Variants in NOX1 observed in about 807,000 individuals in gnomAD.
The protein encoded by NOX1 is NADPH oxidase 1.
In NOX1, 34 loss-of-function variants were observed where a neutral mutation model predicts 42.5. The ratio of observed to expected loss-of-function variants is 0.80; its 90% CI spans 0.61 to 1.07. The LOEUF (loss-of-function observed/expected upper bound fraction) is 1.07. Ranked by LOEUF, NOX1 falls within the 50% of genes least tolerant of loss-of-function variation. The pLI is 0.00. For missense variants in NOX1, 408 were observed against 427.0 expected (o/e 0.96, Z 0.39); for synonymous variants, 143 against 152.5 (o/e 0.94, Z 0.46).
intron 2 of NOX1, among the ~76,000 whole-genome samples, chrX:100,865,366 T>C (rs763722222): frequency 1.8e-5 from 2 of 112,944 alleles, no homozygotes; most frequent in East Asian, 5.6e-4. Flanking sequence ...TGGCTATCTG[T>C]ATAGGATGAA....
rs1277748508 is a variant in NOX1 at position 100,849,857 on chromosome X, C to T, written c.1211G>A (p.Gly404Glu). The part of the protein sequence containing the change: ...QYEVAVLVGA[G>E]IGVTPFASIL... ...AGAAGCAAAGGGGGTGACCCCAATTCCTGCTCCAACCAGCACAGCCACTTC... is the reference window on the plus strand; with the variant it reads ...AGAAGCAAAGGGGGTGACCCCAATTTCTGCTCCAACCAGCACAGCCACTTC... The change falls in exon 10 of 13, where the codon GGA becomes GAA. Residue 404 changes from glycine (G) to glutamate (E), a missense_variant. Coordinates refer to ENST00000372966, the MANE Select transcript of NOX1 (RefSeq NM_007052.5). 1.7e-6 allele frequency: 2 copies of T among 1,210,877 alleles called. No individual in the cohort carries two copies. Among genetic ancestry groups the T allele is most frequent in the Non-Finnish European group, 2.2e-6 (2 of 894,900 alleles).
chrX:100,872,219 A>G (rs1320673863), intron 1 of NOX1, among the ~76,000 whole-genome samples: 1 of 112,167 alleles, frequency 8.9e-6, no homozygotes, highest in Admixed American at 9.5e-5. Context: ...GAAAGAAAAG[A>G]AAGTCAACAG....
At chrX:100,867,842 AAG>A (rs1309712842) in intron 2 of NOX1, among the ~76,000 whole-genome samples, 1 of 110,084 alleles carries the variant, frequency 9.1e-6, no homozygotes, top group Admixed American at 9.7e-5. Flanking sequence ...GAAGGAAAGA[AAG>A]AGAGAGAGAA....
chrX:100,868,921 C>G, intron 2 of NOX1, among the ~76,000 whole-genome samples: 1 of 110,631 alleles, frequency 9.0e-6, no homozygotes, highest in Non-Finnish European at 1.9e-5. Flanking sequence ...ATAGGGAATC[C>G]TTTCCCCATT....
Position 100,844,006 on chromosome X carries a change from A to G in NOX1, c.1641T>C (p.Tyr547=). The change falls in exon 13 of 13, where the codon TAT becomes TAC. Residue 547 remains tyrosine (Y), a synonymous_variant. Coordinates refer to ENST00000372966, the MANE Select transcript of NOX1 (RefSeq NM_007052.5). ...GAACCTTTCTAGGATCCAGACTGGA[A>G]TATCGGTGACAGCATTTGCGCAGGC... ...AKSLRKCCHR[Y]SSLDPRKVQF... The G allele has an allele frequency of 8.3e-7, 1 of 1,205,794 alleles. No individual in the cohort carries two copies. Among genetic ancestry groups the G allele is most frequent in the Non-Finnish European group, 1.1e-6 (1 of 890,303 alleles).
At chrX:100,856,182 C>T in intron 7 of NOX1, 2 of 944,930 alleles carry the variant, frequency 2.1e-6, no homozygotes, top group Non-Finnish European at 3.0e-6. Flanking sequence ...GCATCCACCT[C>T]CTCCACAGTG....
intron 12 of NOX1, among the ~76,000 whole-genome samples, chrX:100,847,991 T>C (rs1188899036): frequency 9.0e-6 from 1 of 110,562 alleles, no homozygotes; most frequent in African/African-American, 3.3e-5. Flanking sequence ...AAGTAGAGAT[T>C]ATTGAGTCCC....
rs1489403678 is a variant in NOX1, at chrX:100,850,113, CA to C, written c.1133+37del. On this transcript the variant is annotated intron_variant, in intron 9 of 12. Coordinates refer to ENST00000372966, the MANE Select transcript of NOX1 (RefSeq NM_007052.5). Reference sequence around the variant, plus strand: ...TTGCTTTCTCTTTTCTGCCAGTCTGCATCCTGGTCTGGGACTCTCCTGGTCT... The same window carrying C: ...TTGCTTTCTCTTTTCTGCCAGTCTGCTCCTGGTCTGGGACTCTCCTGGTCT... 3 of 1,098,473 alleles carry C rather than the reference CA, an allele frequency of 2.7e-6. No individual in the cohort carries two copies. The East Asian group carries it at 9.0e-5, about 33-fold the overall frequency. The allele number at this position is 1,098,473 out of a possible 1,213,427, so 90.5% of individuals were successfully genotyped here. A position where few individuals can be genotyped will look rare whatever the true frequency, so the allele number is the denominator to read the frequency against.
chrX:100,852,119 G>A (rs1452709414), intron 7 of NOX1, among the ~76,000 whole-genome samples: 1 of 112,096 alleles, frequency 8.9e-6, no homozygotes, highest in Non-Finnish European at 1.9e-5. Flanking sequence ...CCTTTCTCAA[G>A]TGCTTAAACA....
chrX:100,854,047 G>A (rs2085150268), intron 7 of NOX1, among the ~76,000 whole-genome samples: 1 of 111,182 alleles, frequency 9.0e-6, no homozygotes, highest in African/African-American at 3.3e-5. Context: ...GGAAGCTGAG[G>A]CAGGAGAATC....
At chrX:100,853,299 T>TCTCTCTTTCTCTTTCTTTCC (rs1491547449) in intron 7 of NOX1, among the ~76,000 whole-genome samples, 1 of 78,883 alleles carries the variant, frequency 1.3e-5, no homozygotes, top group Non-Finnish European at 2.5e-5. Context: ...TCTTTCTTTC[T>TCTCTCTTTCTCTTTCTTTCC]TTCTTTCTTT....
intron 2 of NOX1, among the ~76,000 whole-genome samples, chrX:100,869,273 T>C (rs2085257904): frequency 8.9e-6 from 1 of 111,774 alleles, no homozygotes; most frequent in Non-Finnish European, 1.9e-5. Flanking sequence ...TTTCACGATA[T>C]TGATTCTTCC....
rs762332632 is a variant in NOX1, at chrX:100,862,540, C to CAG, written c.521_522dup (p.Gly175LeufsTer6). Reference sequence around the variant, plus strand: ...ATTGTCATGATCACTCCAGTGAGACCAGCAATGCTGGTGAATGTCACATAC... The same window carrying CAG: ...ATTGTCATGATCACTCCAGTGAGACCAGAGCAATGCTGGTGAATGTCACATAC... On this transcript the variant is annotated frameshift_variant, in exon 6 of 13. Coordinates refer to ENST00000372966, the MANE Select transcript of NOX1 (RefSeq NM_007052.5). LOFTEE classifies it high-confidence loss of function. 1.7e-6 allele frequency: 2 copies of CAG among 1,210,566 alleles called. No homozygotes were observed. The highest frequency in any genetic ancestry group is 4.4e-5 in the Admixed American group (2 of 45,961).
chrX:100,873,447 G>A (rs991428747), intron 1 of NOX1, among the ~76,000 whole-genome samples: 1 of 112,022 alleles, frequency 8.9e-6, no homozygotes, highest in African/African-American at 3.2e-5. Context: ...CTGAGCACTT[G>A]AAATGTGGCT....
intron 1 of NOX1, among the ~76,000 whole-genome samples, chrX:100,871,680 G>T (rs1053877260): frequency 1.8e-5 from 2 of 111,821 alleles, no homozygotes; most frequent in South Asian, 3.8e-4. Flanking sequence ...CCAACCAACT[G>T]GTCTCTAGCC....
At chrX:100,845,847 G>A (rs1352941043) in intron 12 of NOX1, among the ~76,000 whole-genome samples, 2 of 104,700 alleles carry the variant, frequency 1.9e-5, no homozygotes, top group East Asian at 6.1e-4. Flanking sequence ...GCAGTGGCAC[G>A]ATCTTGGCTC....
At chrX:100,844,901 C>G (rs1279329107) in intron 12 of NOX1, among the ~76,000 whole-genome samples, 1 of 111,709 alleles carries the variant, frequency 9.0e-6, no homozygotes, top group Admixed American at 9.5e-5. Flanking sequence ...CCCATTAAAC[C>G]CATCCACTGT....
At chrX:100,867,140 C>G (rs772759343) in intron 2 of NOX1, among the ~76,000 whole-genome samples, 1 of 111,868 alleles carries the variant, frequency 8.9e-6, no homozygotes, top group Non-Finnish European at 1.9e-5. Context: ...TCACGCCATT[C>G]TTCTGCCTCA....
intron 2 of NOX1, among the ~76,000 whole-genome samples, chrX:100,865,411 G>T (rs1239776384): frequency 1.8e-5 from 2 of 112,535 alleles, no homozygotes; most frequent in African/African-American, 6.5e-5. Flanking sequence ...CCTCGTTGCA[G>T]CACATTTAAA....
Sources: allele counts gnomAD v4.1 joint callset (sites outside exome capture counted in the v4.1 genomes callset), GRCh38; gene constraint gnomAD v4.1.1; transcripts MANE v1.5; gene names NCBI Gene and HGNC (gene_info 2026-07-23, HGNC 2026-07-21).